Variants in KIF20B observed in about 807,000 individuals in gnomAD.
KIF20B encodes kinesin family member 20B, also known as kinesin-like protein KIF20B.
A neutral mutation model predicts 232.5 loss-of-function variants in KIF20B; 188 were observed. The ratio of observed to expected loss-of-function variants is 0.81; its 90% CI spans 0.72 to 0.91. The LOEUF (loss-of-function observed/expected upper bound fraction) is 0.91. Ranked by LOEUF, KIF20B falls within the 40% of genes least tolerant of loss-of-function variation. KIF20B has a pLI of 0.00. For missense variants in KIF20B, 2,154 were observed against 2,055.9 expected, an observed-to-expected ratio of 1.05 and a Z score of -0.92; for synonymous variants, 712 against 683.0, an observed-to-expected ratio of 1.04 and a Z score of -0.66.
intron 27 of KIF20B, among the ~76,000 whole-genome samples, chr10:89,759,810 G>A (rs1287350648): frequency 5.3e-5 from 8 of 152,116 alleles, no homozygotes; most frequent in Non-Finnish European, 1.2e-4. Flanking sequence ...TATGAATTCA[G>A]TAGAGTCTTT....
intron 7 of KIF20B, among the ~76,000 whole-genome samples, chr10:89,714,339 C>T (rs1022835584): frequency 6.6e-6 from 1 of 151,914 alleles, no homozygotes; most frequent in Non-Finnish European, 1.5e-5. Context: ...ATTACCTGGG[C>T]GTGGTGGCGC....
At chr10:89,746,518 C>T (rs781151626) in intron 23 of KIF20B, among the ~76,000 whole-genome samples, 1 of 152,168 alleles carries the variant, frequency 6.6e-6, no homozygotes, top group African/African-American at 2.4e-5. Context: ...CCAGTGTGTT[C>T]CTCTAGATGT....
chr10:89,751,601 T>C (rs1842024211), intron 24 of KIF20B, 130 bp downstream of exon 24: 3 of 849,500 alleles, frequency 3.5e-6, no homozygotes, highest in Non-Finnish European at 5.5e-6. Context: ...TGGTGTTTTT[T>C]GAATGTCCTA....
At chr10:89,735,270 AAAG>A (rs370051414) in intron 19 of KIF20B, among the ~76,000 whole-genome samples, 21 of 152,340 alleles carry the variant, frequency 1.4e-4, no homozygotes, top group African/African-American at 4.6e-4. Context: ...TAGAGATAGA[AAAG>A]AAGAACATAT....
At chr10:89,727,713 G>C in intron 16 of KIF20B, 143 bp from the exon 17 acceptor site, 1 of 662,056 alleles carries the variant, frequency 1.5e-6, no homozygotes, top group Non-Finnish European at 2.4e-6. Flanking sequence ...TAATGAGTAG[G>C]GTGTGCTTCT....
At chr10:89,753,717 T>C in intron 25 of KIF20B, among the ~76,000 whole-genome samples, 1 of 151,960 alleles carries the variant, frequency 6.6e-6, no homozygotes, top group East Asian at 1.9e-4. Flanking sequence ...ACCCCCTGGG[T>C]TCAAGCGATT....
intron 2 of KIF20B, among the ~76,000 whole-genome samples, chr10:89,707,201 C>A (rs1842741060): frequency 6.6e-6 from 1 of 152,110 alleles, no homozygotes; most frequent in Admixed American, 6.5e-5. Context: ...TGAAACACTG[C>A]ATATATTTTA....
chr10:89,731,541 G>GA (rs1843319490), intron 18 of KIF20B, among the ~76,000 whole-genome samples: 1 of 152,108 alleles, frequency 6.6e-6, no homozygotes, highest in African/African-American at 2.4e-5. Flanking sequence ...TTCCAATAAT[G>GA]AAAAAATTTA....
intron 5 of KIF20B, among the ~76,000 whole-genome samples, chr10:89,710,615 C>T: frequency 1.3e-5 from 1 of 74,452 alleles, no homozygotes. Flanking sequence ...TGATTAAAAT[C>T]CAGAAAAAGT....
chr10:89,717,257 A>G (rs1842953415), intron 9 of KIF20B, among the ~76,000 whole-genome samples, 167 bp from the exon 10 acceptor site: 1 of 152,212 alleles, frequency 6.6e-6, no homozygotes, highest in South Asian at 2.1e-4. Flanking sequence ...TGGGTATGTA[A>G]GTGACAGTAG....
chr10:89,753,405 T>G (rs1313250418), intron 25 of KIF20B, among the ~76,000 whole-genome samples: 1 of 152,200 alleles, frequency 6.6e-6, no homozygotes, highest in African/African-American at 2.4e-5. Context: ...ATATTATATA[T>G]TCTAGAATTT....
chr10:89,772,799 AT>A lies in KIF20B; in HGVS notation c.5356del (p.Ser1786HisfsTer10). The A allele has an allele frequency of 6.2e-7, 1 of 1,610,768 alleles. No individual in the cohort carries two copies. The highest frequency in any genetic ancestry group is 8.5e-7 in the Non-Finnish European group (1 of 1,178,152). On this transcript the variant is annotated frameshift_variant, in exon 32 of 33. Coordinates refer to ENST00000371728, the MANE Select transcript of KIF20B (RefSeq NM_001284259.2). LOFTEE classifies it high-confidence loss of function. ...RAKRKLYTSE[I>X]SSPIDISGQV... ...CAAACGGAAATTATACACAAGTGAA[AT>A]TTCATCTCCTATTGATATATCAGGC...
At chr10:89,720,766 C>T (rs1282757559) in intron 13 of KIF20B, among the ~76,000 whole-genome samples, 5 of 152,132 alleles carry the variant, frequency 3.3e-5, no homozygotes, top group Admixed American at 6.5e-5. Flanking sequence ...AGTGCAATGG[C>T]ACGATCTCGG....
chr10:89,767,775 G>T (rs989482305), intron 29 of KIF20B, among the ~76,000 whole-genome samples: 2 of 150,646 alleles, frequency 1.3e-5, no homozygotes, highest in African/African-American at 4.9e-5. Flanking sequence ...TTTTATTTTT[G>T]ATATTGTCAA....
Position 89,745,923 on chromosome 10 carries a change from G to A in KIF20B, c.4060G>A (p.Glu1354Lys), listed in dbSNP as rs758003194. 1.4e-5 allele frequency: 22 copies of A among 1,610,506 alleles called. No individual in the cohort carries two copies. The African/African-American group carries it at 2.7e-4, about 20-fold the overall frequency. ...LKEQLNNQKVEEAIQQYERAC... is the reference protein window; with the variant it reads ...LKEQLNNQKVKEAIQQYERAC... ...GGAGCAGTTAAATAATCAGAAAGTGGAAGAAGCTATACAACAGTATGAGAG... is the reference window on the plus strand; with the variant it reads ...GGAGCAGTTAAATAATCAGAAAGTGAAAGAAGCTATACAACAGTATGAGAG... Residue 1354 changes from glutamate (E) to lysine (K), a missense_variant, in exon 23 of 33, where the codon GAA (glutamate) becomes AAA (lysine). Transcript: ENST00000371728.
intron 2 of KIF20B, among the ~76,000 whole-genome samples, chr10:89,708,007 T>G (rs1355510272): frequency 1.3e-5 from 2 of 152,216 alleles, no homozygotes; most frequent in Non-Finnish European, 1.5e-5. Flanking sequence ...GAATAAACCA[T>G]TCTTGGTCAG....
Position 89,717,439 on chromosome 10 carries a change from T to A in KIF20B, c.1068T>A (p.Thr356=). ...TGTATTTCAGTCACAGCATATTCAC[T>A]GTTAAAATATTACAGATTGAAGATT... ...NASSRSHSIF[T]VKILQIEDSE... The change falls in exon 10 of 33, where the codon ACT becomes ACA. Residue 356 remains threonine, a synonymous_variant. Coordinates refer to ENST00000371728, the MANE Select transcript of KIF20B (RefSeq NM_001284259.2). The A allele has an allele frequency of 6.3e-7, 1 of 1,586,878 alleles. No individual in the cohort carries two copies.
At chr10:89,727,926 T>C (rs1423769712) in intron 17 of KIF20B, 30 bp downstream of exon 17, 1 of 1,518,716 alleles carries the variant, frequency 6.6e-7, no homozygotes, top group Non-Finnish European at 8.9e-7. Context: ...TTTGTCTTGA[T>C]AAGGTATTTA....
Position 89,738,445 on chromosome 10 carries a change from A to G in KIF20B, c.3604A>G (p.Lys1202Glu), listed in dbSNP as rs746184816. 7 of 1,602,996 alleles carry G rather than the reference A, an allele frequency of 4.4e-6. No homozygotes were observed. The African/African-American group carries it at 8.1e-5, about 19-fold the overall frequency. ...SIILKLERNL[K>E]EFQEHLQDSV... ...CATCTTAAAGCTAGAAAGAAATTTGAAGGAATTTCAAGAACATCTTCAGGA... is the reference window on the plus strand; with the variant it reads ...CATCTTAAAGCTAGAAAGAAATTTGGAGGAATTTCAAGAACATCTTCAGGA... Residue 1202 changes from lysine to glutamate, a missense_variant, in exon 20 of 33, where the codon AAG becomes GAG. Transcript: ENST00000371728.
Sources: allele counts gnomAD v4.1 joint callset (sites outside exome capture counted in the v4.1 genomes callset), GRCh38; gene constraint gnomAD v4.1.1; transcripts MANE v1.5; gene names NCBI Gene and HGNC (gene_info 2026-07-23, HGNC 2026-07-21).